The following INPP4A variants were observed in gnomAD, a reference collection of about 807,000 sequenced individuals.
The protein encoded by INPP4A is inositol polyphosphate-4-phosphatase, type I, 107kD.
Under a neutral mutation model 119.8 loss-of-function variants are expected in INPP4A, and 33 were observed. The observed-to-expected ratio is 0.28, with a 90% CI of 0.21 to 0.37. The LOEUF (loss-of-function observed/expected upper bound fraction) is 0.37, where lower values mean the gene tolerates loss of function less well. Among genes scored for constraint, INPP4A ranks in the 10% least tolerant of loss-of-function variants. The pLI is 1.00. For synonymous variants in INPP4A, 496 were observed against 500.7 expected (o/e 0.99, Z 0.12); for missense variants, 956 against 1,289.9 (o/e 0.74, Z 3.97).
intron 1 of INPP4A, among the ~76,000 whole-genome samples, chr2:98,488,161 A>T (rs765527163): frequency 2.0e-5 from 3 of 151,962 alleles, no homozygotes; most frequent in Non-Finnish European, 2.9e-5. Context: ...GGGTTGTTTG[A>T]TTTTTGAGTA....
intron 13 of INPP4A, chr2:98,548,942 T>C: frequency 6.2e-7 from 1 of 1,608,682 alleles, no homozygotes; most frequent in South Asian, 1.1e-5. Context: ...ATTTTGGTTC[T>C]TTTCTTTAGC....
In INPP4A at chr2:98,591,948, G is replaced by T. The variant is rs1243647744; in HGVS notation, c.*4340G>T. On this transcript the variant is annotated 3_prime_UTR_variant, in exon 25 of 25. Coordinates refer to ENST00000409851, the MANE Select transcript of INPP4A (RefSeq NM_001134225.2). ...ATGAGCAGTAGATGTCTCTCAGTGG[G>T]CAGTGTGACCTCTTTGGTCACTCTA... 6.6e-6 allele frequency: 1 copy of T among 152,218 alleles called. No homozygotes were observed. Among genetic ancestry groups the T allele is most frequent in the Non-Finnish European group, 1.5e-5 (1 of 68,078 alleles). The allele number at this position is 152,218 out of a possible 1,614,324, so 9.4% of individuals were successfully genotyped here.
intron 16 of INPP4A, among the ~76,000 whole-genome samples, chr2:98,559,128 T>C (rs1281670961): frequency 6.6e-6 from 1 of 152,242 alleles, no homozygotes; most frequent in East Asian, 1.9e-4. Flanking sequence ...CAATGTGATT[T>C]ATGTGGGTGC....
chr2:98,474,322 G>C, intron 1 of INPP4A, among the ~76,000 whole-genome samples: 1 of 152,304 alleles, frequency 6.6e-6, no homozygotes, highest in Middle Eastern at 3.4e-3. Flanking sequence ...AGTGGATTTT[G>C]TTTTTTGAAG....
At chr2:98,487,727 T>A (rs934073678) in intron 1 of INPP4A, among the ~76,000 whole-genome samples, 1 of 152,220 alleles carries the variant, frequency 6.6e-6, no homozygotes, top group Non-Finnish European at 1.5e-5. Context: ...CAAAGAAGGT[T>A]GGAGGTTTTA....
intron 1 of INPP4A, among the ~76,000 whole-genome samples, chr2:98,467,052 G>T (rs1433137827): frequency 6.6e-6 from 1 of 152,188 alleles, no homozygotes; most frequent in Admixed American, 6.5e-5. Flanking sequence ...TGAGGCCTCA[G>T]GCTGCTTCTA....
At chr2:98,560,183 GT>G (rs1695212513) in intron 17 of INPP4A, among the ~76,000 whole-genome samples, 1 of 152,168 alleles carries the variant, frequency 6.6e-6, no homozygotes, top group Non-Finnish European at 1.5e-5. Flanking sequence ...ATGGCTTGTG[GT>G]TTTGAGCATG....
At chr2:98,508,912 G>A (rs1436999799) in intron 1 of INPP4A, among the ~76,000 whole-genome samples, 7 of 152,118 alleles carry the variant, frequency 4.6e-5, no homozygotes, top group East Asian at 3.9e-4. Context: ...GGCCTGGTGC[G>A]CGGGAGTGAG....
chr2:98,577,120 C>T lies in INPP4A; in HGVS notation c.2763C>T (p.Thr921=), dbSNP rs575208334. Residue 921 remains threonine, a synonymous_variant, in exon 24 of 25, where the codon ACC becomes ACT. Transcript: ENST00000409851. ...ATGGCATGGCCCCGCAGGTCTTCAC[C>T]CAGGCCCTGGAGTGCATGCGCAGGT... ...HEHGMAPQVF[T]QALECMRSEG... 3.7e-6 allele frequency: 6 copies of T among 1,612,692 alleles called. No individual in the cohort carries two copies. In the East Asian group the frequency reaches 1.3e-4, roughly 36 times the overall value.
rs1698509173 is a variant in INPP4A at position 98,576,903 on chromosome 2, C to G, written c.2632-86C>G. ...AGTTTCTGTTCCTGCCCTTGCTGGGCTGGTTGGGAGCCTTTCCTGTGTGTG... is the reference window on the plus strand; with the variant it reads ...AGTTTCTGTTCCTGCCCTTGCTGGGGTGGTTGGGAGCCTTTCCTGTGTGTG... On this transcript the variant is annotated intron_variant, in intron 23 of 24. Transcript: ENST00000409851. 4 of 1,486,116 alleles carry G rather than the reference C, an allele frequency of 2.7e-6. No homozygotes were observed. In the Admixed American group the frequency reaches 7.8e-5, roughly 29 times the overall value. 92.1% of individuals were successfully genotyped at this position (1,486,116 alleles called of 1,614,324 possible). A position where few individuals can be genotyped will look rare whatever the true frequency, so the allele number is the denominator to read the frequency against.
chr2:98,561,399 TC>T (rs1695447583), intron 17 of INPP4A, among the ~76,000 whole-genome samples: 1 of 152,194 alleles, frequency 6.6e-6, no homozygotes, highest in Non-Finnish European at 1.5e-5. Context: ...TGCGTGGAAA[TC>T]ATGTTACTGC....
In INPP4A at chr2:98,519,935, C is replaced by G; in HGVS notation, c.-103-11C>G. On this transcript the variant is annotated splice_polypyrimidine_tract_variant and intron_variant, in intron 2 of 24. Transcript: ENST00000409851. ...GTCCCCATGGTTTCTTACAAGTGCT[C>G]CTTTTCTCAGGGCTACTGCCACTTT... is the stretch of plus-strand genomic sequence containing the variant. The G allele has an allele frequency of 1.3e-6, 1 of 769,922 alleles. No homozygotes were observed. Among genetic ancestry groups the G allele is most frequent in the Non-Finnish European group, 2.3e-6 (1 of 441,446 alleles). The allele number at this position is 769,922 out of a possible 1,614,324, so 47.7% of individuals were successfully genotyped here.
Position 98,541,314 on chromosome 2 carries a change from G to A in INPP4A, c.818+1639G>A, listed in dbSNP as rs1017162154. 1.1e-4 allele frequency among the ~76,000 whole-genome samples: 17 copies of A among 148,990 alleles called. No homozygotes were observed. The South Asian group carries it at 3.0e-3, about 26-fold the overall frequency. Reference sequence around the variant, plus strand: ...TGCACTCCAGCCTTGGTGACAGAGCGAGACTCCGTCTCAAAAAAAAAAAAA... The same window carrying A: ...TGCACTCCAGCCTTGGTGACAGAGCAAGACTCCGTCTCAAAAAAAAAAAAA... On this transcript the variant is annotated intron_variant, in intron 10 of 24. Transcript: ENST00000409851.
chr2:98,478,475 C>A (rs1034235168), intron 1 of INPP4A, among the ~76,000 whole-genome samples: 1 of 152,144 alleles, frequency 6.6e-6, no homozygotes, highest in East Asian at 1.9e-4. Flanking sequence ...ACCAGACCTG[C>A]GCTGCTGTTA....
intron 1 of INPP4A, among the ~76,000 whole-genome samples, chr2:98,479,349 C>T (rs1373421643): frequency 6.6e-6 from 1 of 152,086 alleles, no homozygotes; most frequent in Non-Finnish European, 1.5e-5. Context: ...CCGAGGCTAC[C>T]CTACTTTGAT....
In INPP4A at chr2:98,449,942, G is replaced by A. The variant is rs143492236; in HGVS notation, c.-166+4857G>A. On this transcript the variant is annotated intron_variant, in intron 1 of 24. Coordinates refer to ENST00000409851, the MANE Select transcript of INPP4A (RefSeq NM_001134225.2). Reference sequence around the variant, plus strand: ...ATATTGGATACCTTTTCTTGTTAATGTATATTTTAACTTCTAATGAATTAC... The same window carrying A: ...ATATTGGATACCTTTTCTTGTTAATATATATTTTAACTTCTAATGAATTAC... Among the ~76,000 whole-genome samples the A allele has an allele frequency of 4.3e-3, 647 of 152,066 alleles. 5 individuals carry two copies. The highest frequency in any genetic ancestry group is 0.015 in the African/African-American group (629 of 41,472).
chr2:98,467,394 T>C (rs1430156757), intron 1 of INPP4A, among the ~76,000 whole-genome samples: 1 of 152,256 alleles, frequency 6.6e-6, no homozygotes, highest in Non-Finnish European at 1.5e-5. Context: ...CCCCCTCATC[T>C]GCTGATGATT....
At chr2:98,469,882 G>T (rs1432318165) in intron 1 of INPP4A, among the ~76,000 whole-genome samples, 1 of 152,134 alleles carries the variant, frequency 6.6e-6, no homozygotes, top group Admixed American at 6.5e-5. Context: ...CCACATATTG[G>T]TGTTGAGCCA....
At chr2:98,457,540 G>A (rs1221421527) in intron 1 of INPP4A, among the ~76,000 whole-genome samples, 1 of 152,224 alleles carries the variant, frequency 6.6e-6, no homozygotes, top group African/African-American at 2.4e-5. Context: ...TATTAGGATT[G>A]TACCAGTGTT....
Sources: gnomAD v4.1 joint callset for allele counts (sites outside exome capture counted in the v4.1 genomes callset) on GRCh38, gnomAD v4.1.1 for gene constraint, MANE v1.5 for transcripts, NCBI Gene and HGNC (gene_info 2026-07-23, HGNC 2026-07-21) for gene names.